AP3B1: variants seen among roughly 807,000 people sequenced by gnomAD.
AP3B1 encodes AP-3 complex subunit beta-1.
AP3B1 carries 61 observed loss-of-function variants against 132.5 expected under a neutral mutation model. The observed-to-expected ratio is 0.46, with a 90% confidence interval of 0.37 to 0.57. The LOEUF (loss-of-function observed/expected upper bound fraction) is 0.57, where lower values mean the gene tolerates loss of function less well. Among genes scored for constraint, AP3B1 ranks in the 20% least tolerant of loss-of-function variants. The probability of loss-of-function intolerance (pLI) is 0.00; values close to 1 mark genes in which losing one functional copy is unlikely to be tolerated. For missense variants in AP3B1, 1,120 were observed against 1,289.4 expected (o/e 0.87, Z 2.01); for synonymous variants, 388 against 438.3 (o/e 0.89, Z 1.43).
rs553058872 is a variant in AP3B1, at chr5:78,049,667, C to T, written c.2578-10393G>A. Reference sequence around the variant, plus strand: ...CTCACTACTGCCACTGTGGCCAGCCCGGTCTGAGCCACCACCACCTATCAT... The same window carrying T: ...CTCACTACTGCCACTGTGGCCAGCCTGGTCTGAGCCACCACCACCTATCAT... On this transcript the variant is annotated intron_variant, in intron 22 of 26. Transcript: ENST00000255194. 1.2e-4 allele frequency among the ~76,000 whole-genome samples: 19 copies of T among 152,264 alleles called. No homozygotes were observed. In the South Asian group the frequency reaches 1.9e-3, roughly 15 times the overall value.
chr5:78,243,312 T>C (rs1224533425), intron 2 of AP3B1, among the ~76,000 whole-genome samples: 2 of 151,668 alleles, frequency 1.3e-5, no homozygotes, highest in Non-Finnish European at 2.9e-5. Flanking sequence ...CATTCAATGA[T>C]TACCTAAAGT....
intron 25 of AP3B1, 196 bp from the exon 26 acceptor site, chr5:78,015,744 G>T: frequency 5.5e-6 from 3 of 541,086 alleles, no homozygotes; most frequent in South Asian, 2.2e-5. Context: ...TCATTGTATA[G>T]GAAAATGTGT....
Position 78,116,177 on chromosome 5 carries a change from A to G in AP3B1, c.2026T>C (p.Tyr676His). 6.2e-7 allele frequency: 1 copy of G among 1,613,930 alleles called. No homozygotes were observed. Among genetic ancestry groups the G allele is most frequent in the Non-Finnish European group, 8.5e-7 (1 of 1,179,894 alleles). ...AKQENSAKKF[Y>H]SESEEEEDSS... The stretch of plus-strand genomic sequence containing the variant: ...TCCTCCTCTTCCTCAGATTCAGAAT[A>G]AAACTTCTTAGCAGAATTCTCTTGC... The change falls in exon 18 of 27, where the codon TAT (tyrosine) becomes CAT (histidine). Residue 676 changes from tyrosine (Y) to histidine (H), a missense_variant. This residue lies in a region of AP3B1 where 906 missense variants were observed against 997.1 expected (regional missense o/e 0.91). Coordinates refer to ENST00000255194, the MANE Select transcript of AP3B1 (RefSeq NM_003664.5).
chr5:78,234,670 A>G (rs1221555788), intron 3 of AP3B1, among the ~76,000 whole-genome samples: 2 of 152,350 alleles, frequency 1.3e-5, no homozygotes, highest in African/African-American at 4.8e-5. Flanking sequence ...ACTTGAGGCT[A>G]TTTAGTACAA....
rs939632374 is a variant in AP3B1, at chr5:78,088,154, T to C, written c.2577+1239A>G. 3.3e-5 allele frequency among the ~76,000 whole-genome samples: 5 copies of C among 152,228 alleles called. 1 individual carries two copies. The highest frequency in any genetic ancestry group is 9.6e-5 in the African/African-American group (4 of 41,468). ...AACTAACTGCTTCACTATTGATTTT[T>C]TGATTAACACTTTTTCTTTAGAGAC... On this transcript the variant is annotated intron_variant, in intron 22 of 26. Coordinates refer to ENST00000255194, the MANE Select transcript of AP3B1 (RefSeq NM_003664.5).
intron 22 of AP3B1, among the ~76,000 whole-genome samples, chr5:78,070,636 G>A (rs1749496274): frequency 6.6e-6 from 1 of 151,740 alleles, no homozygotes; most frequent in South Asian, 2.1e-4. Flanking sequence ...CTACAGAGTG[G>A]GAGAAGATTT....
At chr5:78,069,486 G>A (rs1046278725) in intron 22 of AP3B1, among the ~76,000 whole-genome samples, 8 of 151,258 alleles carry the variant, frequency 5.3e-5, no homozygotes, top group African/African-American at 2.0e-4. Flanking sequence ...AATAATGAAT[G>A]AACTCCCATT....
intron 22 of AP3B1, among the ~76,000 whole-genome samples, chr5:78,061,513 A>G (rs1449720614): frequency 1.3e-5 from 2 of 152,240 alleles, no homozygotes; most frequent in Non-Finnish European, 2.9e-5. Context: ...ACATGTTTTC[A>G]CCATCTATAT....
chr5:78,146,837 C>CT (rs1753419783), intron 14 of AP3B1, among the ~76,000 whole-genome samples: 1 of 152,064 alleles, frequency 6.6e-6, no homozygotes, highest in African/African-American at 2.4e-5. Flanking sequence ...ACATTTCTTA[C>CT]TTTACAACTG....
chr5:78,231,390 T>C (rs1484399719), intron 3 of AP3B1, among the ~76,000 whole-genome samples: 1 of 151,998 alleles, frequency 6.6e-6, no homozygotes, highest in Non-Finnish European at 1.5e-5. Flanking sequence ...GCCAGGCTGG[T>C]CTTGAACACC....
intron 2 of AP3B1, among the ~76,000 whole-genome samples, chr5:78,262,012 G>A (rs1052839373): frequency 6.6e-6 from 1 of 151,806 alleles, no homozygotes; most frequent in African/African-American, 2.4e-5. Flanking sequence ...CAAGTAATCC[G>A]CCCACCTCGA....
intron 22 of AP3B1, chr5:78,087,352 G>A (rs921964369): frequency 5.1e-6 from 1 of 197,794 alleles, no homozygotes; most frequent in Admixed American, 6.5e-5. Context: ...CTTAAACTCT[G>A]GTTGATTCAT....
chr5:78,146,619 A>AT (rs955152338), intron 14 of AP3B1, among the ~76,000 whole-genome samples: 4 of 151,976 alleles, frequency 2.6e-5, no homozygotes, highest in African/African-American at 7.2e-5. Context: ...ACTCATATAT[A>AT]TTTTTTGTAT....
intron 1 of AP3B1, among the ~76,000 whole-genome samples, chr5:78,279,449 T>C (rs932620088): frequency 5.3e-5 from 8 of 152,178 alleles, no homozygotes; most frequent in African/African-American, 1.7e-4. Flanking sequence ...TAAGATTACA[T>C]AGCATGTGAG....
intron 15 of AP3B1, among the ~76,000 whole-genome samples, chr5:78,134,413 C>T (rs1042750272): frequency 2.0e-5 from 3 of 152,068 alleles, no homozygotes; most frequent in Non-Finnish European, 4.4e-5. Context: ...TTCTACATTG[C>T]TGTTATTTTT....
chr5:78,191,350 T>TC (rs1306592632), intron 7 of AP3B1, among the ~76,000 whole-genome samples: 4 of 101,144 alleles, frequency 4.0e-5, no homozygotes, highest in African/African-American at 1.4e-4. Flanking sequence ...GAATTGCTTT[T>TC]CCCCAAAAAA....
At chr5:78,082,200 C>A (rs1480037686) in intron 22 of AP3B1, among the ~76,000 whole-genome samples, 1 of 151,638 alleles carries the variant, frequency 6.6e-6, no homozygotes, top group Non-Finnish European at 1.5e-5. Flanking sequence ...TATGTTATTA[C>A]TGAACATAAA....
At chr5:78,158,698 T>C (rs1363292685) in intron 13 of AP3B1, among the ~76,000 whole-genome samples, 1 of 151,596 alleles carries the variant, frequency 6.6e-6, no homozygotes, top group East Asian at 1.9e-4. Context: ...AGGCAGGTAT[T>C]ACTTCTTTTT....
chr5:78,070,026 C>T (rs1032250042), intron 22 of AP3B1, among the ~76,000 whole-genome samples: 3 of 152,088 alleles, frequency 2.0e-5, no homozygotes, highest in Admixed American at 6.5e-5. Context: ...ATAAAAGGTG[C>T]TGGGAAAACT....
Sources: allele counts gnomAD v4.1 joint callset (sites outside exome capture counted in the v4.1 genomes callset), GRCh38; gene constraint gnomAD v4.1.1; regional missense constraint gnomAD v4.1.1; transcripts MANE v1.5; gene names NCBI Gene and HGNC (gene_info 2026-07-23, HGNC 2026-07-21).